Variants in AGMO observed in about 807,000 individuals in gnomAD.
The protein encoded by AGMO is alkylglycerol monooxygenase, also known as glyceryl-ether monooxygenase.
AGMO carries 75 observed loss-of-function variants against 60.2 expected under a neutral mutation model. The observed-to-expected ratio is 1.25, with a 90% CI of 1.03 to 1.51. The LOEUF is 1.51. Among genes scored for constraint, AGMO ranks in the 40% most tolerant of loss-of-function variants. The probability of loss-of-function intolerance (pLI) is 0.00; values close to 1 mark genes in which losing one functional copy is unlikely to be tolerated. For synonymous variants in AGMO, 261 were observed against 177.1 expected, an observed-to-expected ratio of 1.47 and a Z score of -3.76; for missense variants, 763 against 525.5, an observed-to-expected ratio of 1.45 and a Z score of -4.42.
At chr7:15,367,449 C>T (rs958049003) in intron 10 of AGMO, among the ~76,000 whole-genome samples, 3 of 151,750 alleles carry the variant, frequency 2.0e-5, no homozygotes, top group Non-Finnish European at 4.4e-5. Flanking sequence ...GTCATTATAT[C>T]GGCTTTATTT....
rs867714120 is a variant in AGMO at position 15,322,576 on chromosome 7, A to G, written c.1263+42938T>C. ...TATATAAATATATAAATATATATAA[A>G]TATATATAAATATATAAATATATAT... is the stretch of plus-strand genomic sequence containing the variant. On this transcript the variant is annotated intron_variant, in intron 12 of 12. Transcript: ENST00000342526. Among the ~76,000 whole-genome samples, 309 of 44,848 alleles carry G rather than the reference A, an allele frequency of 6.9e-3. 18 individuals carry two copies. Among genetic ancestry groups the G allele is most frequent in the Admixed American group, 8.7e-3 (18 of 2,066 alleles). 29.4% of individuals were successfully genotyped at this position (44,848 alleles called of 152,430 possible). A position where few individuals can be genotyped will look rare whatever the true frequency, so the allele number is the denominator to read the frequency against.
chr7:15,392,804 AAAC>A (rs756531028), intron 6 of AGMO, among the ~76,000 whole-genome samples: 15,815 of 124,712 alleles, frequency 0.13, 2,424 homozygotes, highest in African/African-American at 0.38. Context: ...GTCTCAAAAC[AAAC>A]AAACAAACAA....
rs767402830 is a variant in AGMO at position 15,387,502 on chromosome 7, G to A, written c.861C>T (p.Ala287=). 5.2e-5 allele frequency: 84 copies of A among 1,613,516 alleles called. No individual in the cohort carries two copies. The highest frequency in any genetic ancestry group is 6.9e-5 in the Non-Finnish European group (81 of 1,179,766). The change falls in exon 9 of 13, where the codon GCC becomes GCT. Residue 287 remains alanine, a synonymous_variant. Coordinates refer to ENST00000342526, the MANE Select transcript of AGMO (RefSeq NM_001004320.2). The part of the protein sequence containing the change: ...HLFSIWTTFW[A]TPGFFNKFSV... ...AAAACTTATTGAAGAATCCAGGTGTGGCCCAGAATGTAGTCCATATGGAAA... is the reference window on the plus strand; with the variant it reads ...AAAACTTATTGAAGAATCCAGGTGTAGCCCAGAATGTAGTCCATATGGAAA...
At chr7:15,227,688 C>T (rs180837199) in intron 12 of AGMO, among the ~76,000 whole-genome samples, 8 of 152,068 alleles carry the variant, frequency 5.3e-5, no homozygotes, top group Admixed American at 3.3e-4. Context: ...TGAATTTACA[C>T]GTATCATCCA....
intron 4 of AGMO, among the ~76,000 whole-genome samples, chr7:15,419,240 G>T (rs985926427): frequency 6.6e-6 from 1 of 151,720 alleles, no homozygotes; most frequent in African/African-American, 2.4e-5. Context: ...AATTTTAAAG[G>T]TCCATATTAC....
At chr7:15,400,565 G>C (rs1324221869) in intron 5 of AGMO, among the ~76,000 whole-genome samples, 2 of 152,106 alleles carry the variant, frequency 1.3e-5, no homozygotes, top group African/African-American at 4.8e-5. Flanking sequence ...GAGGAATGTC[G>C]TAGGGAGTGA....
At chr7:15,258,727 T>C (rs1267444819) in intron 12 of AGMO, among the ~76,000 whole-genome samples, 1 of 152,028 alleles carries the variant, frequency 6.6e-6, no homozygotes, top group Non-Finnish European at 1.5e-5. Context: ...CTGCAATATC[T>C]AAAGACAGAT....
the AGMO span, among the ~76,000 whole-genome samples, chr7:15,184,368 GAAGGAAGGAAGGA>G: frequency 0.075 from 293 of 3,912 alleles, 12 homozygotes; most frequent in South Asian, 0.37. Context: ...GGAAGGAAGG[GAAGGAAGGAAGGA>G]AGGAAAGAAG....
the AGMO span, among the ~76,000 whole-genome samples, chr7:15,118,994 T>G: frequency 2.7e-5 from 4 of 150,134 alleles, no homozygotes; most frequent in Admixed American, 6.7e-5. Context: ...TTGGGGTTTT[T>G]TTTTCCTTCT....
At chr7:15,399,504 A>G (rs1784499321) in intron 5 of AGMO, among the ~76,000 whole-genome samples, 1 of 152,296 alleles carries the variant, frequency 6.6e-6, no homozygotes, top group African/African-American at 2.4e-5. Flanking sequence ...ATTTTTTAAA[A>G]CTGTTAAATT....
At chr7:15,209,577 C>T (rs967416107) in intron 12 of AGMO, among the ~76,000 whole-genome samples, 3 of 152,162 alleles carry the variant, frequency 2.0e-5, no homozygotes, top group African/African-American at 7.2e-5. Flanking sequence ...TAATAGAAGG[C>T]CAGCAGCCCA....
chr7:15,539,454 C>A (rs1784564418), intron 3 of AGMO, among the ~76,000 whole-genome samples: 2 of 138,136 alleles, frequency 1.4e-5, no homozygotes, highest in Non-Finnish European at 3.2e-5. Context: ...ATCCATGTTG[C>A]TGCAAAGGAC....
the AGMO span, among the ~76,000 whole-genome samples, chr7:15,130,496 G>C: frequency 6.6e-6 from 1 of 151,924 alleles, no homozygotes; most frequent in African/African-American, 2.4e-5. Flanking sequence ...CCTGGAAATT[G>C]TTTAAAACAT....
the AGMO span, among the ~76,000 whole-genome samples, chr7:15,117,495 G>A: frequency 2.6e-5 from 4 of 151,946 alleles, no homozygotes; most frequent in Non-Finnish European, 4.4e-5. Context: ...TTCACTGTTT[G>A]TAAATTAGTG....
Position 15,500,727 on chromosome 7 carries a change from T to G in AGMO, c.409+44045A>C, listed in dbSNP as rs564217803. ...ATTTGAGTTATATCTTGTCTTCTGA[T>G]AGCTTTGGGGTTTGTTTGCTCTTGT... is the stretch of plus-strand genomic sequence containing the variant. On this transcript the variant is annotated intron_variant, in intron 3 of 12. Transcript: ENST00000342526. Among the ~76,000 whole-genome samples the G allele has an allele frequency of 1.7e-4, 26 of 152,092 alleles. No individual in the cohort carries two copies. The East Asian group carries it at 2.7e-3, about 16-fold the overall frequency.
chr7:15,184,196 G>A, the AGMO span, among the ~76,000 whole-genome samples: 3 of 149,644 alleles, frequency 2.0e-5, no homozygotes, highest in African/African-American at 7.4e-5. Context: ...AAATTAAAAT[G>A]TCATATTTCT....
the AGMO span, among the ~76,000 whole-genome samples, chr7:15,187,598 C>A: frequency 1.2e-3 from 178 of 152,238 alleles, 2 homozygotes; most frequent in African/African-American, 4.2e-3. Context: ...TCCGGTACCA[C>A]CCCTTCCTCA....
intron 12 of AGMO, among the ~76,000 whole-genome samples, chr7:15,298,513 G>A (rs1425653441): frequency 6.6e-6 from 1 of 152,082 alleles, no homozygotes. Context: ...TCTCACCTAA[G>A]CCTCCCAAGT....
intron 8 of AGMO, among the ~76,000 whole-genome samples, chr7:15,388,590 CTTATT>C (rs1307490275): frequency 6.6e-6 from 1 of 152,090 alleles, no homozygotes. Context: ...TTGTTTTTCA[CTTATT>C]TATTTCCCAA....
Sources: allele counts gnomAD v4.1 joint callset (sites outside exome capture counted in the v4.1 genomes callset), GRCh38; gene constraint gnomAD v4.1.1; transcripts MANE v1.5; gene names NCBI Gene and HGNC (gene_info 2026-07-23, HGNC 2026-07-21).